The following EXPH5 variants were observed in gnomAD, a reference collection of about 807,000 sequenced individuals.
EXPH5 encodes exophilin-5.
EXPH5 carries 42 observed loss-of-function variants against 41.1 expected under a neutral mutation model. That is an observed-to-expected ratio of 1.02 (90% CI 0.80 to 1.32). The LOEUF (loss-of-function observed/expected upper bound fraction) is 1.32. Ranked by LOEUF, EXPH5 falls within the 40% of genes most tolerant of loss-of-function variation. The pLI, the probability that EXPH5 is intolerant of heterozygous loss-of-function variation, is 0.00. For synonymous variants in EXPH5, 798 were observed against 833.5 expected (o/e 0.96, Z 0.73); for missense variants, 2,298 against 2,314.5 (o/e 0.99, Z 0.15).
At chr11:108,577,037 T>C (rs1185923060) in intron 1 of EXPH5, among the ~76,000 whole-genome samples, 1 of 152,224 alleles carries the variant, frequency 6.6e-6, no homozygotes, top group Non-Finnish European at 1.5e-5. Context: ...TCCAGTTCCA[T>C]CTATATTGTT....
At position 108,509,637 on chromosome 11, in the gene EXPH5, T is replaced by C; in HGVS notation, c.5870A>G (p.Asn1957Ser). ...GTCCACTGGGTCATCCTCATAGATATTAAGCGGTTCACTTGGAGATAAGCC... is the reference window on the plus strand; with the variant it reads ...GTCCACTGGGTCATCCTCATAGATACTAAGCGGTTCACTTGGAGATAAGCC... The part of the protein sequence containing the change: ...EDGLSPSEPL[N>S]IYEDDPVDSD... The change falls in exon 6 of 6, where the codon AAT becomes AGT. Residue 1957 changes from asparagine (N) to serine (S), a missense_variant. Coordinates refer to ENST00000265843, the MANE Select transcript of EXPH5 (RefSeq NM_015065.3). 2 of 1,613,714 alleles carry C rather than the reference T, an allele frequency of 1.2e-6. No individual in the cohort carries two copies. Among genetic ancestry groups the C allele is most frequent in the Non-Finnish European group, 8.5e-7 (1 of 1,179,812 alleles).
At chr11:108,563,781 G>T (rs750336236) in intron 1 of EXPH5, among the ~76,000 whole-genome samples, 5 of 152,194 alleles carry the variant, frequency 3.3e-5, no homozygotes, top group Non-Finnish European at 4.4e-5. Flanking sequence ...TGGGGAAAGG[G>T]AAAAGGATCA....
intron 1 of EXPH5, among the ~76,000 whole-genome samples, chr11:108,573,657 G>A (rs1465501072): frequency 6.6e-6 from 1 of 152,102 alleles, no homozygotes; most frequent in Non-Finnish European, 1.5e-5. Context: ...ATGACAATTT[G>A]CCAACTATTT....
In EXPH5 at chr11:108,539,190, G is replaced by GA. The variant is rs35249685; in HGVS notation, c.281-5dup. 885 of 1,530,962 alleles carry GA rather than the reference G, an allele frequency of 5.8e-4. No individual in the cohort carries two copies. Among genetic ancestry groups the GA allele is most frequent in the South Asian group, 8.3e-4 (67 of 80,908 alleles). The allele number at this position is 1,530,962 out of a possible 1,614,324, so 94.8% of individuals were successfully genotyped here. On this transcript the variant is annotated splice_polypyrimidine_tract_variant and splice_region_variant and intron_variant, in intron 2 of 5. Transcript: ENST00000265843. ...GATGTAGGTAATTCTATCGGATCTA[G>GA]AAAAAAAAATTGTAAAAATTTTGCA... is the stretch of plus-strand genomic sequence containing the variant.
At chr11:108,594,112 G>A (rs1007496541), upstream of EXPH5, among the ~76,000 whole-genome samples, 6 of 152,168 alleles carry the variant, frequency 3.9e-5, no homozygotes, top group Admixed American at 3.9e-4. Flanking sequence ...TGCAAGTAGG[G>A]TTTGTAACTG....
intron 3 of EXPH5, among the ~76,000 whole-genome samples, chr11:108,537,760 G>T (rs2093888375): frequency 6.6e-6 from 1 of 152,172 alleles, no homozygotes; most frequent in Non-Finnish European, 1.5e-5. Context: ...ATATTAGATG[G>T]TTCAGCTATA....
chr11:108,528,555 G>C (rs1012043228), intron 3 of EXPH5, among the ~76,000 whole-genome samples: 1 of 152,174 alleles, frequency 6.6e-6, no homozygotes, highest in African/African-American at 2.4e-5. Flanking sequence ...CTCCTGAGAT[G>C]GATATTATGG....
chr11:108,595,362 G>A (rs1329095173), upstream of EXPH5, among the ~76,000 whole-genome samples: 3 of 152,224 alleles, frequency 2.0e-5, no homozygotes, highest in African/African-American at 7.2e-5. Context: ...ACGGTATTTA[G>A]GTTGCTGCAT....
chr11:108,513,474 T>C lies in EXPH5; in HGVS notation c.2033A>G (p.Asn678Ser). ...SHTEVTVTSS[N>S]SVDSLPLAKS... ...GGCAAGAGGCAGAGAGTCAACTGAA[T>C]TGCTGCTGGTCACAGTGACTTCTGT... Residue 678 changes from asparagine to serine, a missense_variant, in exon 6 of 6, where the codon AAT becomes AGT. By Grantham distance (46) the Asn-to-Ser change is conservative (BLOSUM62 1). Transcript: ENST00000265843. The C allele has an allele frequency of 6.2e-7, 1 of 1,613,820 alleles. No individual in the cohort carries two copies. Among genetic ancestry groups the C allele is most frequent in the East Asian group, 2.2e-5 (1 of 44,886 alleles).
At chr11:108,590,355 T>C (rs1345848369) in intron 1 of EXPH5, among the ~76,000 whole-genome samples, 1 of 152,244 alleles carries the variant, frequency 6.6e-6, no homozygotes, top group Non-Finnish European at 1.5e-5. Flanking sequence ...AATGATTTAT[T>C]TCTATCTTTT....
the EXPH5 span, among the ~76,000 whole-genome samples, chr11:108,600,048 G>A: frequency 1.3e-5 from 2 of 152,180 alleles, no homozygotes; most frequent in African/African-American, 4.8e-5. Context: ...CTACAAGTAA[G>A]GTGAGAAGAG....
At chr11:108,586,168 A>G (rs908555825) in intron 1 of EXPH5, among the ~76,000 whole-genome samples, 1 of 150,708 alleles carries the variant, frequency 6.6e-6, no homozygotes, top group Non-Finnish European at 1.5e-5. Context: ...CAACCTGGCC[A>G]ACATGGCGAA....
Position 108,510,585 on chromosome 11 carries a change from G to A in EXPH5, c.4922C>T (p.Pro1641Leu), listed in dbSNP as rs1439023034. ...TTTTGGAGTAGGCTCAGGGAACAGT[G>A]GGTTGCACTCCACTGTGCCAAGAGA... The part of the protein sequence containing the change: ...HLSLGTVECN[P>L]LFPEPTPKSA... The change falls in exon 6 of 6, where the codon CCA (proline) becomes CTA (leucine). Residue 1641 changes from proline (P) to leucine (L), a missense_variant. Coordinates refer to ENST00000265843, the MANE Select transcript of EXPH5 (RefSeq NM_015065.3). 1.9e-6 allele frequency: 3 copies of A among 1,613,956 alleles called. No individual in the cohort carries two copies. Among genetic ancestry groups the A allele is most frequent in the Non-Finnish European group, 2.5e-6 (3 of 1,180,002 alleles).
chr11:108,516,990 A>C (rs1252627608), intron 5 of EXPH5, among the ~76,000 whole-genome samples: 2 of 152,208 alleles, frequency 1.3e-5, no homozygotes, highest in Admixed American at 6.5e-5. Flanking sequence ...TCTCCCTTTC[A>C]AGCTGTTTAT....
At chr11:108,525,453 T>G (rs1348750944) in intron 4 of EXPH5, among the ~76,000 whole-genome samples, 2 of 152,176 alleles carry the variant, frequency 1.3e-5, no homozygotes, top group Admixed American at 1.3e-4. Flanking sequence ...GTCCAAAATG[T>G]CAATGGTGCT....
At position 108,572,678 on chromosome 11, in the gene EXPH5, C is replaced by T. The variant is rs545063399; in HGVS notation, c.119+20740G>A. ...GGTTCAAGCGATTCTCCTGCCTCAG[C>T]CTCCCGAATAGCTGGGGTTACAGGC... On this transcript the variant is annotated intron_variant, in intron 1 of 5. Coordinates refer to ENST00000265843, the MANE Select transcript of EXPH5 (RefSeq NM_015065.3). Among the ~76,000 whole-genome samples the T allele has an allele frequency of 4.6e-5, 7 of 152,268 alleles. No homozygotes were observed. The South Asian group carries it at 1.5e-3, about 32-fold the overall frequency.
intron 3 of EXPH5, among the ~76,000 whole-genome samples, chr11:108,536,285 T>C (rs1009556076): frequency 6.6e-6 from 1 of 152,044 alleles, no homozygotes; most frequent in Non-Finnish European, 1.5e-5. Context: ...TTTGCCTTTT[T>C]TTTTTTTTTG....
At chr11:108,592,582 T>G (rs77669428) in intron 1 of EXPH5, among the ~76,000 whole-genome samples, 6,063 of 152,310 alleles carry the variant, frequency 0.04, 124 homozygotes, top group Middle Eastern at 0.051. Flanking sequence ...GAGAGTCCCT[T>G]TAATTCATTC....
upstream of EXPH5, among the ~76,000 whole-genome samples, chr11:108,595,786 G>A (rs187417339): frequency 7.7e-4 from 117 of 152,326 alleles, no homozygotes; most frequent in Admixed American, 1.5e-3. Context: ...AGTGCTCAGA[G>A]CACAGTGAGC....
Sources: gnomAD v4.1 joint callset for allele counts (sites outside exome capture counted in the v4.1 genomes callset) on GRCh38, gnomAD v4.1.1 for gene constraint, MANE v1.5 for transcripts, NCBI Gene and HGNC (gene_info 2026-07-23, HGNC 2026-07-21) for gene names.